ZNF423: variants seen among roughly 807,000 people sequenced by gnomAD.
The protein encoded by ZNF423 is zinc finger protein 423.
A neutral mutation model predicts 95.8 loss-of-function variants in ZNF423; 12 were observed. The ratio of observed to expected loss-of-function variants is 0.13; its 90% confidence interval spans 0.08 to 0.20. ZNF423 has a LOEUF of 0.20. Ranked by LOEUF, ZNF423 falls within the 10% of genes least tolerant of loss-of-function variation. The probability of loss-of-function intolerance (pLI) is 1.00; values close to 1 mark genes in which losing one functional copy is unlikely to be tolerated. For synonymous variants in ZNF423, 749 were observed against 711.9 expected, an observed-to-expected ratio of 1.05 and a Z score of -0.83; for missense variants, 1,316 against 1,737.1, an observed-to-expected ratio of 0.76 and a Z score of 4.31.
chr16:49,553,783 A>T (rs1041844333), intron 5 of ZNF423, among the ~76,000 whole-genome samples: 5 of 152,174 alleles, frequency 3.3e-5, no homozygotes, highest in Non-Finnish European at 5.9e-5. Flanking sequence ...TCTTTTTATG[A>T]AATAACGTCT....
intron 5 of ZNF423, among the ~76,000 whole-genome samples, chr16:49,616,382 C>T (rs980683752): frequency 6.6e-6 from 1 of 151,442 alleles, no homozygotes; most frequent in African/African-American, 2.4e-5. Flanking sequence ...AAATATAGTT[C>T]GACAGAATCA....
chr16:49,816,790 A>G (rs1453672381), intron 1 of ZNF423, among the ~76,000 whole-genome samples: 1 of 152,158 alleles, frequency 6.6e-6, no homozygotes, highest in Admixed American at 6.5e-5. Flanking sequence ...TCTCAAAAAA[A>G]AGGAAGATTC....
intron 5 of ZNF423, among the ~76,000 whole-genome samples, chr16:49,600,043 G>T (rs914060631): frequency 6.6e-6 from 1 of 151,022 alleles, no homozygotes; most frequent in African/African-American, 2.4e-5. Context: ...GCAAGAGGCC[G>T]GGCGTGGTGG....
rs528342646 is a variant in ZNF423, at chr16:49,836,045, TAA to T, written c.40+19688_40+19689del. On this transcript the variant is annotated intron_variant, in intron 1 of 7. Transcript: ENST00000563137. ...GGCCACCTACCCCGACAACCACAGC[TAA>T]GATTCCTAGCTGAGCCAACTGGACT... is the stretch of plus-strand genomic sequence containing the variant. Among the ~76,000 whole-genome samples, 352 of 152,194 alleles carry T rather than the reference TAA, an allele frequency of 2.3e-3. 2 individuals carry two copies. The highest frequency in any genetic ancestry group is 7.9e-3 in the African/African-American group (328 of 41,524).
intron 1 of ZNF423, among the ~76,000 whole-genome samples, chr16:49,790,610 G>T: frequency 6.6e-6 from 1 of 152,248 alleles, no homozygotes; most frequent in Non-Finnish European, 1.5e-5. Context: ...CCACCACATG[G>T]AAGGCATGTA....
intron 3 of ZNF423, among the ~76,000 whole-genome samples, chr16:49,666,595 C>T (rs1307979868): frequency 6.6e-6 from 1 of 152,212 alleles, no homozygotes; most frequent in Non-Finnish European, 1.5e-5. Context: ...CAATTACATG[C>T]ATGCATGCAC....
intron 5 of ZNF423, among the ~76,000 whole-genome samples, chr16:49,585,277 G>C (rs575350828): frequency 6.6e-6 from 1 of 152,194 alleles, no homozygotes; most frequent in African/African-American, 2.4e-5. Context: ...ATCAGGTGTG[G>C]GTGAGAAAGC....
At chr16:49,762,639 G>A (rs1362583082) in intron 2 of ZNF423, among the ~76,000 whole-genome samples, 1 of 152,210 alleles carries the variant, frequency 6.6e-6, no homozygotes, top group South Asian at 2.1e-4. Context: ...TACTTTACAA[G>A]TGCAGAGGGG....
chr16:49,777,895 A>G (rs2034146589), intron 2 of ZNF423, among the ~76,000 whole-genome samples: 2 of 152,224 alleles, frequency 1.3e-5, no homozygotes. Flanking sequence ...TTGTTAAGAC[A>G]GTGATAATTG....
chr16:49,741,845 T>C (rs963854545), intron 2 of ZNF423, among the ~76,000 whole-genome samples: 1 of 152,246 alleles, frequency 6.6e-6, no homozygotes, highest in African/African-American at 2.4e-5. Flanking sequence ...CTTGGTTGCT[T>C]GTACTTCTGA....
chr16:49,615,503 G>C (rs571696220), intron 5 of ZNF423, among the ~76,000 whole-genome samples: 3 of 152,272 alleles, frequency 2.0e-5, no homozygotes, highest in Admixed American at 6.5e-5. Flanking sequence ...AAGTAAAAGA[G>C]AATGAGCAAA....
intron 5 of ZNF423, among the ~76,000 whole-genome samples, chr16:49,537,318 C>T (rs959890977): frequency 2.6e-5 from 4 of 152,154 alleles, no homozygotes; most frequent in Non-Finnish European, 5.9e-5. Context: ...CCTTTTAAGC[C>T]GGCTGAGCCC....
chr16:49,850,144 C>T (rs931620576), intron 1 of ZNF423, among the ~76,000 whole-genome samples: 1 of 152,206 alleles, frequency 6.6e-6, no homozygotes, highest in Non-Finnish European at 1.5e-5. Flanking sequence ...CAACCCCAAT[C>T]GTTGGCTGCC....
At chr16:49,808,746 C>T (rs2034704958) in intron 1 of ZNF423, among the ~76,000 whole-genome samples, 1 of 152,168 alleles carries the variant, frequency 6.6e-6, no homozygotes, top group Non-Finnish European at 1.5e-5. Flanking sequence ...CCCCCCAGGG[C>T]CGTTAGCAGA....
chr16:49,610,666 C>T (rs2151843441), intron 5 of ZNF423, among the ~76,000 whole-genome samples: 1 of 152,098 alleles, frequency 6.6e-6, no homozygotes, highest in Middle Eastern at 3.4e-3. Flanking sequence ...GAAGCTCTCA[C>T]ATATCATTAA....
At chr16:49,694,951 G>T (rs2031912825) in intron 3 of ZNF423, among the ~76,000 whole-genome samples, 1 of 152,206 alleles carries the variant, frequency 6.6e-6, no homozygotes, top group South Asian at 2.1e-4. Flanking sequence ...TCCACCTAGT[G>T]AAGACGTGAG....
At chr16:49,612,298 GAT>G (rs199893426) in intron 5 of ZNF423, among the ~76,000 whole-genome samples, 1 of 150,290 alleles carries the variant, frequency 6.7e-6, no homozygotes, top group African/African-American at 2.4e-5. Flanking sequence ...GACCAAATGA[GAT>G]ATATATATAT....
At chr16:49,534,154 A>C (rs988981575) in intron 5 of ZNF423, among the ~76,000 whole-genome samples, 1 of 152,152 alleles carries the variant, frequency 6.6e-6, no homozygotes, top group African/African-American at 2.4e-5. Flanking sequence ...AGAGCACAAA[A>C]AATTTTTAAA....
At chr16:49,664,914 G>A (rs367787104) in intron 3 of ZNF423, among the ~76,000 whole-genome samples, 3 of 152,250 alleles carry the variant, frequency 2.0e-5, no homozygotes, top group African/African-American at 4.8e-5. Context: ...TGCTCTGAAC[G>A]CCCCTCATTG....
Sources: allele counts gnomAD v4.1 joint callset (sites outside exome capture counted in the v4.1 genomes callset), GRCh38; gene constraint gnomAD v4.1.1; transcripts MANE v1.5; gene names NCBI Gene and HGNC (gene_info 2026-07-23, HGNC 2026-07-21).